The following CCDC171 variants were observed in gnomAD, a reference collection of about 807,000 sequenced individuals.
The protein encoded by CCDC171 is coiled-coil domain containing 171.
In CCDC171, 177 loss-of-function variants were observed where a neutral mutation model predicts 168.2. The ratio of observed to expected loss-of-function variants is 1.05; its 90% confidence interval spans 0.93 to 1.19. The LOEUF is 1.19. Ranked by LOEUF, CCDC171 falls within the 50% of genes most tolerant of loss-of-function variation. The probability of loss-of-function intolerance (pLI) is 0.00; values close to 1 mark genes in which losing one functional copy is unlikely to be tolerated. For synonymous variants in CCDC171, 687 were observed against 540.8 expected, an observed-to-expected ratio of 1.27 and a Z score of -3.75; for missense variants, 1,991 against 1,539.0, an observed-to-expected ratio of 1.29 and a Z score of -4.91.
intron 9 of CCDC171, among the ~76,000 whole-genome samples, chr9:15,675,201 T>TCC: frequency 1.4e-5 from 2 of 144,614 alleles, no homozygotes; most frequent in Non-Finnish European, 3.1e-5. Context: ...TTTTTTTTTT[T>TCC]TTTTTTTGCT....
rs569989562 is a variant in CCDC171 at position 15,946,275 on chromosome 9, T to C, written c.3754-25334T>C. ...TGGTACCAGTACCATGCTGTTTTGG[T>C]TACTGTAGCCAAAATCTCCTTAAGC... On this transcript the variant is annotated intron_variant, in intron 25 of 25. Transcript: ENST00000380701. 3.9e-5 allele frequency among the ~76,000 whole-genome samples: 6 copies of C among 152,094 alleles called. 1 individual carries two copies. In the South Asian group the frequency reaches 1.2e-3, roughly 32 times the overall value.
intron 23 of CCDC171, among the ~76,000 whole-genome samples, chr9:15,870,572 G>C (rs1243806934): frequency 6.6e-6 from 1 of 151,712 alleles, no homozygotes; most frequent in Non-Finnish European, 1.5e-5. Flanking sequence ...GTGTTTTTAA[G>C]TCAACCTCAG....
chr9:16,014,731 T>C (rs1832966448), intron 3 of CCDC171, among the ~76,000 whole-genome samples: 1 of 152,184 alleles, frequency 6.6e-6, no homozygotes, highest in South Asian at 2.1e-4. Context: ...CTAGGTGCAT[T>C]GTCAATAAAT....
the CCDC171 span, among the ~76,000 whole-genome samples, chr9:16,089,274 C>T: frequency 1.3e-5 from 2 of 151,614 alleles, no homozygotes; most frequent in East Asian, 3.9e-4. Context: ...AAAACCTAGG[C>T]AATACTATTC....
chr9:15,673,386 A>T (rs1394200734), intron 9 of CCDC171, among the ~76,000 whole-genome samples: 1 of 152,098 alleles, frequency 6.6e-6, no homozygotes. Context: ...TTCCAACACT[A>T]TGTTGAATTA....
the CCDC171 span, among the ~76,000 whole-genome samples, chr9:16,086,660 A>C: frequency 6.6e-6 from 1 of 152,026 alleles, no homozygotes; most frequent in Non-Finnish European, 1.5e-5. Flanking sequence ...TTTAAGAAAA[A>C]ACAGCTCCTA....
At chr9:15,650,686 A>G (rs544522477) in intron 7 of CCDC171, among the ~76,000 whole-genome samples, 3 of 152,170 alleles carry the variant, frequency 2.0e-5, no homozygotes, top group African/African-American at 4.8e-5. Context: ...TTTTCCTAAT[A>G]AAGTCCTTTG....
intron 25 of CCDC171, among the ~76,000 whole-genome samples, chr9:15,937,079 G>C (rs1277788085): frequency 1.3e-5 from 2 of 152,038 alleles, no homozygotes; most frequent in Non-Finnish European, 2.9e-5. Context: ...TTAAAGAGTT[G>C]ACTGACATAA....
At chr9:16,003,055 A>G (rs746602388) in intron 3 of CCDC171, among the ~76,000 whole-genome samples, 8 of 152,226 alleles carry the variant, frequency 5.3e-5, no homozygotes, top group East Asian at 1.9e-4. Flanking sequence ...GCACGACTCT[A>G]TAATGTTCAT....
At chr9:16,077,634 A>G in the CCDC171 span, among the ~76,000 whole-genome samples, 2 of 152,048 alleles carry the variant, frequency 1.3e-5, no homozygotes, top group Middle Eastern at 3.2e-3. Flanking sequence ...GTTGGAGCCA[A>G]CCTCAGCTTA....
chr9:16,088,360 G>A, the CCDC171 span, among the ~76,000 whole-genome samples: 1 of 152,216 alleles, frequency 6.6e-6, no homozygotes, highest in Non-Finnish European at 1.5e-5. Flanking sequence ...AGTACTGGAA[G>A]TTCTGGCCAG....
the CCDC171 span, among the ~76,000 whole-genome samples, chr9:16,077,432 A>G: frequency 2.8e-4 from 43 of 152,198 alleles, no homozygotes; most frequent in African/African-American, 1.0e-3. Context: ...GGTGGAGAAT[A>G]CTTCCCTACT....
intron 3 of CCDC171, among the ~76,000 whole-genome samples, chr9:16,012,597 G>C (rs1262838430): frequency 8.4e-5 from 6 of 71,168 alleles, no homozygotes; most frequent in Non-Finnish European, 1.4e-4. Flanking sequence ...ATTCGTTATG[G>C]ATTGCTGGTT....
intron 14 of CCDC171, 76 bp downstream of exon 14, chr9:15,725,052 T>C (rs2053710665): frequency 1.9e-6 from 2 of 1,067,654 alleles, no homozygotes; most frequent in Non-Finnish European, 2.8e-6. Flanking sequence ...TGACTATTTT[T>C]ACTTGTATTT....
chr9:16,048,821 C>T (rs1586860388), intron 1 of CCDC171, among the ~76,000 whole-genome samples: 1 of 151,986 alleles, frequency 6.6e-6, no homozygotes, highest in East Asian at 1.9e-4. Flanking sequence ...GTTATTAGAA[C>T]AGTACCTCGC....
At chr9:15,564,802 AG>A (rs2039594140) in intron 2 of CCDC171, among the ~76,000 whole-genome samples, 1 of 152,268 alleles carries the variant, frequency 6.6e-6, no homozygotes. Context: ...AAACTTTTAT[AG>A]TCATGTAACA....
upstream of CCDC171, among the ~76,000 whole-genome samples, chr9:16,039,830 G>A (rs1416523988): frequency 6.6e-6 from 1 of 152,138 alleles, no homozygotes; most frequent in Non-Finnish European, 1.5e-5. Context: ...CAGCCAGGCA[G>A]CCATCTTCCT....
chr9:15,632,338 T>C (rs952933475), intron 7 of CCDC171, among the ~76,000 whole-genome samples: 400 of 151,896 alleles, frequency 2.6e-3, no homozygotes, highest in African/African-American at 8.9e-3. Context: ...GGATACAAAA[T>C]CAATGTACAA....
intron 24 of CCDC171, 37 bp downstream of exon 24, chr9:15,874,700 T>C (rs1382137364): frequency 8.8e-6 from 13 of 1,476,792 alleles, no homozygotes; most frequent in African/African-American, 4.3e-5. Flanking sequence ...TACTGAGACA[T>C]ATAGAAAAAT....
Sources: gnomAD v4.1 joint callset for allele counts (sites outside exome capture counted in the v4.1 genomes callset) on GRCh38, gnomAD v4.1.1 for gene constraint, MANE v1.5 for transcripts, NCBI Gene and HGNC (gene_info 2026-07-23, HGNC 2026-07-21) for gene names.